The following MCC variants were observed in gnomAD, a reference collection of about 807,000 sequenced individuals.
MCC encodes the protein colorectal mutant cancer protein.
A neutral mutation model predicts 116.2 loss-of-function variants in MCC; 90 were observed. The observed-to-expected ratio is 0.77, with a 90% CI of 0.65 to 0.92. The LOEUF is 0.92. Ranked by LOEUF, MCC falls within the 40% of genes least tolerant of loss-of-function variation. The pLI is 0.00. For missense variants in MCC, 1,516 were observed against 1,312.2 expected (o/e 1.16, Z -2.40); for synonymous variants, 578 against 510.5 (o/e 1.13, Z -1.78).
intron 7 of MCC, among the ~76,000 whole-genome samples, chr5:113,103,425 G>C (rs939917867): frequency 6.6e-6 from 1 of 152,214 alleles, no homozygotes; most frequent in Non-Finnish European, 1.5e-5. Flanking sequence ...GGGCCCAGGA[G>C]ATTCCAGAGA....
intron 1 of MCC, among the ~76,000 whole-genome samples, chr5:113,474,338 C>T (rs1194821694): frequency 1.3e-5 from 2 of 152,092 alleles, no homozygotes; most frequent in African/African-American, 4.8e-5. Context: ...TATATGGAAA[C>T]AGCCTAGAAA....
intron 3 of MCC, among the ~76,000 whole-genome samples, chr5:113,241,418 G>A (rs1256491125): frequency 3.3e-5 from 5 of 152,136 alleles, no homozygotes; most frequent in Admixed American, 6.5e-5. Flanking sequence ...AAGAACCTAC[G>A]GAGGAGATAC....
chr5:113,430,680 G>T (rs1199326434), intron 1 of MCC, among the ~76,000 whole-genome samples: 1 of 152,196 alleles, frequency 6.6e-6, no homozygotes, highest in Admixed American at 6.5e-5. Flanking sequence ...TGCCAACTTT[G>T]TTTGTAGGAG....
At chr5:113,374,644 A>C (rs966584082) in intron 2 of MCC, among the ~76,000 whole-genome samples, 5 of 152,136 alleles carry the variant, frequency 3.3e-5, no homozygotes, top group African/African-American at 1.2e-4. Context: ...TAAGCAATTT[A>C]CCAAGTTATA....
intron 3 of MCC, among the ~76,000 whole-genome samples, chr5:113,306,532 A>G (rs1032436990): frequency 2.6e-5 from 4 of 152,262 alleles, no homozygotes; most frequent in East Asian, 3.9e-4. Flanking sequence ...CTCTGGAGAA[A>G]TGTTTATTCA....
At chr5:113,125,935 T>C (rs763128528) in intron 5 of MCC, among the ~76,000 whole-genome samples, 6 of 152,028 alleles carry the variant, frequency 3.9e-5, no homozygotes, top group South Asian at 2.1e-4. Context: ...AAGAGGAAAA[T>C]GTAAAAACAT....
chr5:113,275,974 T>G (rs966500807), intron 3 of MCC, among the ~76,000 whole-genome samples: 6 of 149,680 alleles, frequency 4.0e-5, no homozygotes, highest in Admixed American at 2.0e-4. Flanking sequence ...TGTTTTGTTT[T>G]TTTTTTTTTT....
Position 113,323,457 on chromosome 5 carries a change from C to T in MCC, c.627+17062G>A, listed in dbSNP as rs559057158. ...AAGCTGAGAATGGATAAAATGGAGC[C>T]AGCTCTGGGGTGGAAGGTGGTGGCA... On this transcript the variant is annotated intron_variant, in intron 3 of 18. Coordinates refer to ENST00000408903, the MANE Select transcript of MCC (RefSeq NM_001085377.2). Among the ~76,000 whole-genome samples the T allele has an allele frequency of 3.3e-5, 5 of 152,208 alleles. No homozygotes were observed. The East Asian group carries it at 5.8e-4, about 18-fold the overall frequency.
At chr5:113,305,051 T>C (rs1766953513) in intron 3 of MCC, among the ~76,000 whole-genome samples, 1 of 151,286 alleles carries the variant, frequency 6.6e-6, no homozygotes, top group Non-Finnish European at 1.5e-5. Flanking sequence ...ATATACTTAA[T>C]AATAAAGGAG....
chr5:113,252,062 C>A (rs1401608602), intron 3 of MCC, among the ~76,000 whole-genome samples: 1 of 152,226 alleles, frequency 6.6e-6, no homozygotes, highest in African/African-American at 2.4e-5. Context: ...GTCCTGCTTT[C>A]TTTTCACCAC....
chr5:113,402,152 G>A (rs1179827359), intron 1 of MCC, among the ~76,000 whole-genome samples: 2 of 152,002 alleles, frequency 1.3e-5, no homozygotes, highest in Non-Finnish European at 2.9e-5. Flanking sequence ...AAATTAGCCC[G>A]ACGTAGTGGC....
intron 3 of MCC, among the ~76,000 whole-genome samples, chr5:113,279,419 T>A (rs1420540286): frequency 2.0e-5 from 3 of 150,730 alleles, no homozygotes; most frequent in African/African-American, 7.4e-5. Flanking sequence ...TAGTAATCTA[T>A]GAACACTGAC....
chr5:113,027,511 T>C, intron 18 of MCC, 29 bp from the exon 19 acceptor site: 1 of 1,608,362 alleles, frequency 6.2e-7, no homozygotes, highest in Non-Finnish European at 8.5e-7. Flanking sequence ...AAATTGGTAT[T>C]AAGATTCATC....
chr5:113,299,292 C>CAAAAAAAAAAAAA (rs58372049), intron 3 of MCC, among the ~76,000 whole-genome samples: 9 of 52,076 alleles, frequency 1.7e-4, no homozygotes, highest in Admixed American at 3.4e-4. Flanking sequence ...GACTCCGTCT[C>CAAAAAAAAAAAAA]AAAAAAAAAA....
chr5:113,409,784 T>C (rs1275508224), intron 1 of MCC, among the ~76,000 whole-genome samples: 1 of 152,200 alleles, frequency 6.6e-6, no homozygotes, highest in Non-Finnish European at 1.5e-5. Flanking sequence ...AATTTATGCA[T>C]CAGATAGTGA....
rs564818323 is a variant in MCC, at chr5:113,458,025, A to C, written c.170+30220T>G. ...CCTTTGTGTCTAGCTCAGGGATTGT[A>C]AACGCACCAATCAGCACCCTGTCAA... On this transcript the variant is annotated intron_variant, in intron 1 of 18. Coordinates refer to ENST00000408903, the MANE Select transcript of MCC (RefSeq NM_001085377.2). 4.3e-4 allele frequency among the ~76,000 whole-genome samples: 66 copies of C among 152,278 alleles called. 1 individual carries two copies. In the East Asian group the frequency reaches 0.013, roughly 29 times the overall value.
At chr5:113,450,242 C>T (rs1049556312) in intron 1 of MCC, among the ~76,000 whole-genome samples, 1 of 152,102 alleles carries the variant, frequency 6.6e-6, no homozygotes, top group African/African-American at 2.4e-5. Context: ...CTTATTAGCA[C>T]CTTACCTTGA....
intron 3 of MCC, among the ~76,000 whole-genome samples, chr5:113,263,929 GA>G (rs1282930120): frequency 6.9e-6 from 1 of 144,260 alleles, no homozygotes; most frequent in Non-Finnish European, 1.5e-5. Context: ...AAGAGAAGAA[GA>G]AAAAAAGAAA....
intron 1 of MCC, among the ~76,000 whole-genome samples, chr5:113,418,677 C>T (rs888714112): frequency 2.8e-5 from 4 of 142,224 alleles, no homozygotes; most frequent in African/African-American, 7.9e-5. Flanking sequence ...GTGGCAAAAT[C>T]TTCATCATTA....
Sources: allele counts gnomAD v4.1 joint callset (sites outside exome capture counted in the v4.1 genomes callset), GRCh38; gene constraint gnomAD v4.1.1; transcripts MANE v1.5; gene names NCBI Gene and HGNC (gene_info 2026-07-23, HGNC 2026-07-21).